Variants in FILIP1 observed in about 807,000 individuals in gnomAD.
FILIP1 encodes filamin-A-interacting protein 1.
Under a neutral mutation model 102.1 loss-of-function variants are expected in FILIP1, and 61 were observed. That is an observed-to-expected ratio of 0.60 (90% confidence interval 0.49 to 0.74). The LOEUF is 0.74. Ranked by LOEUF, FILIP1 falls within the 30% of genes least tolerant of loss-of-function variation. The pLI, the probability that FILIP1 is intolerant of heterozygous loss-of-function variation, is 0.00. For synonymous variants in FILIP1, 491 were observed against 526.9 expected, an observed-to-expected ratio of 0.93 and a Z score of 0.93; for missense variants, 1,314 against 1,441.2, an observed-to-expected ratio of 0.91 and a Z score of 1.43.
chr6:75,451,931 T>G (rs1174352471), intron 1 of FILIP1, among the ~76,000 whole-genome samples: 1 of 152,296 alleles, frequency 6.6e-6, no homozygotes, highest in Admixed American at 6.5e-5. Flanking sequence ...TATCAATTAA[T>G]GTGAGGTAGC....
chr6:75,455,913 A>G (rs1778813703), intron 1 of FILIP1, among the ~76,000 whole-genome samples: 1 of 152,204 alleles, frequency 6.6e-6, no homozygotes, highest in African/African-American at 2.4e-5. Flanking sequence ...TTCCCATATG[A>G]ACAATAACTA....
Position 75,308,433 on chromosome 6 carries a change from CCA to C in FILIP1, c.*256_*257del. The C allele has an allele frequency of 7.8e-7, 1 of 1,276,312 alleles. No homozygotes were observed. The highest frequency in any genetic ancestry group is 1.5e-5 in the African/African-American group (1 of 66,210). 79.1% of individuals were successfully genotyped at this position (1,276,312 alleles called of 1,614,324 possible). On this transcript the variant is annotated 3_prime_UTR_variant, in exon 6 of 6. Coordinates refer to ENST00000237172, the MANE Select transcript of FILIP1 (RefSeq NM_015687.5). ...GGCTCAGATGGGTCTATTGATGGGT[CCA>C]CTTGCTAGAAGCAAAACTGGAACTA...
intron 2 of FILIP1, among the ~76,000 whole-genome samples, chr6:75,396,393 G>C (rs759117570): frequency 6.6e-6 from 1 of 152,058 alleles, no homozygotes; most frequent in East Asian, 1.9e-4. Context: ...CCATGTGAGC[G>C]GTGGTGAGGA....
chr6:75,492,938 A>G (rs1450369334), intron 1 of FILIP1, among the ~76,000 whole-genome samples: 1 of 152,206 alleles, frequency 6.6e-6, no homozygotes, highest in Non-Finnish European at 1.5e-5. Context: ...AAAAGGAGAC[A>G]CATGCAACAG....
chr6:75,331,921 C>T (rs1774098837), intron 4 of FILIP1, among the ~76,000 whole-genome samples: 2 of 152,114 alleles, frequency 1.3e-5, no homozygotes, highest in African/African-American at 4.8e-5. Context: ...AGGTGGAGCC[C>T]TCATGAATGG....
intron 4 of FILIP1, among the ~76,000 whole-genome samples, chr6:75,342,042 A>G (rs1425789245): frequency 6.6e-6 from 1 of 152,244 alleles, no homozygotes; most frequent in Admixed American, 6.5e-5. Context: ...TCTCCATTCT[A>G]TTTAAGAGGA....
At chr6:75,306,219 A>T (rs1360903060), downstream of FILIP1, among the ~76,000 whole-genome samples, 2 of 152,118 alleles carry the variant, frequency 1.3e-5, no homozygotes, top group Non-Finnish European at 2.9e-5. Flanking sequence ...TTTTTTTAGC[A>T]GTTGTACTTT....
In FILIP1 at chr6:75,475,250, G is replaced by A. The variant is rs75444408; in HGVS notation, c.-7+18164C>T. Among the ~76,000 whole-genome samples, 1,343 of 152,272 alleles carry A rather than the reference G, an allele frequency of 8.8e-3. 49 individuals are homozygous for A. The East Asian group carries it at 0.12, about 14-fold the overall frequency. ...GAATTATAAATCACACATAGTCTGG[G>A]CTGGTCAGTGAAGTAGTTCCAGAGA... On this transcript the variant is annotated intron_variant, in intron 1 of 5. Coordinates refer to ENST00000237172, the MANE Select transcript of FILIP1 (RefSeq NM_015687.5).
intron 2 of FILIP1, among the ~76,000 whole-genome samples, chr6:75,410,644 T>G (rs1444553245): frequency 6.6e-6 from 1 of 152,122 alleles, no homozygotes; most frequent in African/African-American, 2.4e-5. Flanking sequence ...TGAGAACATG[T>G]GGTGTTCGGT....
intron 2 of FILIP1, among the ~76,000 whole-genome samples, chr6:75,366,535 CTAATT>C (rs1289417512): frequency 1.3e-5 from 2 of 152,144 alleles, no homozygotes; most frequent in Non-Finnish European, 2.9e-5. Flanking sequence ...TTGCTTTGAC[CTAATT>C]TATCATTTAT....
intron 1 of FILIP1, among the ~76,000 whole-genome samples, chr6:75,439,183 G>A (rs1313500635): frequency 3.3e-5 from 5 of 152,140 alleles, no homozygotes; most frequent in Non-Finnish European, 5.9e-5. Context: ...TGGCTAACAC[G>A]GTGAAACCCC....
chr6:75,322,330 AAG>A (rs1174331349), intron 4 of FILIP1, among the ~76,000 whole-genome samples: 1 of 152,214 alleles, frequency 6.6e-6, no homozygotes, highest in Non-Finnish European at 1.5e-5. Flanking sequence ...GAAGCAGAAT[AAG>A]AGATTTAAGT....
Position 75,362,874 on chromosome 6 carries a change from T to C in FILIP1, c.320A>G (p.Lys107Arg), listed in dbSNP as rs1775215753. Residue 107 changes from lysine (K) to arginine (R), a missense_variant, in exon 3 of 6, where the codon AAG becomes AGG. Coordinates refer to ENST00000237172, the MANE Select transcript of FILIP1 (RefSeq NM_015687.5). ...GTAATGAGCCTCCAGAACCTCAGGC[T>C]TGGTTTTCTCTGTCTTCAGCATGTG... The part of the protein sequence containing the change: ...VIHMLKTEKT[K>R]PEVLEAHYGS... The C allele has an allele frequency of 6.2e-7, 1 of 1,613,914 alleles. No individual in the cohort carries two copies. Among genetic ancestry groups the C allele is most frequent in the Non-Finnish European group, 8.5e-7 (1 of 1,180,016 alleles).
At chr6:75,329,877 A>G (rs908205842) in intron 4 of FILIP1, among the ~76,000 whole-genome samples, 3 of 152,234 alleles carry the variant, frequency 2.0e-5, no homozygotes, top group African/African-American at 7.2e-5. Flanking sequence ...ATCAGGGTAC[A>G]TGAGGTATCC....
intron 1 of FILIP1, among the ~76,000 whole-genome samples, chr6:75,421,139 G>A (rs1391384619): frequency 2.0e-5 from 3 of 152,060 alleles, no homozygotes; most frequent in Non-Finnish European, 2.9e-5. Context: ...ATTAAAACTT[G>A]CATTTATTTC....
rs192852972 is a variant in FILIP1 at position 75,318,168 on chromosome 6, T to C, written c.630-2966A>G. 2.0e-5 allele frequency among the ~76,000 whole-genome samples: 3 copies of C among 152,018 alleles called. No individual in the cohort carries two copies. In the East Asian group the frequency reaches 5.8e-4, roughly 29 times the overall value. On this transcript the variant is annotated intron_variant, in intron 4 of 5. Coordinates refer to ENST00000237172, the MANE Select transcript of FILIP1 (RefSeq NM_015687.5). ...CCAAGTTTCACTTCAATGTCACTTCTTCAAACCCAATTAAGTCAGAACTTC... is the reference window on the plus strand; with the variant it reads ...CCAAGTTTCACTTCAATGTCACTTCCTCAAACCCAATTAAGTCAGAACTTC...
chr6:75,320,580 A>T (rs1773617010), intron 4 of FILIP1, among the ~76,000 whole-genome samples: 1 of 152,186 alleles, frequency 6.6e-6, no homozygotes. Flanking sequence ...CTATCTCAAA[A>T]AAAAGAAAAA....
At chr6:75,397,585 C>CATATAT (rs143716551) in intron 2 of FILIP1, among the ~76,000 whole-genome samples, 1 of 29,950 alleles carries the variant, frequency 3.3e-5, no homozygotes, top group East Asian at 5.0e-4. Flanking sequence ...CACACGTATA[C>CATATAT]ATATATATAT....
intron 4 of FILIP1, among the ~76,000 whole-genome samples, chr6:75,347,313 T>C (rs1350345593): frequency 1.3e-5 from 2 of 152,198 alleles, no homozygotes; most frequent in Non-Finnish European, 2.9e-5. Flanking sequence ...TTTGTAAGGA[T>C]TAAACAAGAT....
Sources: gnomAD v4.1 joint callset for allele counts (sites outside exome capture counted in the v4.1 genomes callset) on GRCh38, gnomAD v4.1.1 for gene constraint, MANE v1.5 for transcripts, NCBI Gene and HGNC (gene_info 2026-07-23, HGNC 2026-07-21) for gene names.